Variants in OIT3 observed in about 807,000 individuals in gnomAD.
OIT3 encodes oncoprotein induced transcript 3.
In OIT3, 41 loss-of-function variants were observed where a neutral mutation model predicts 52.2. The ratio of observed to expected loss-of-function variants is 0.79; its 90% confidence interval spans 0.61 to 1.02. The LOEUF (loss-of-function observed/expected upper bound fraction) is 1.02. Among genes scored for constraint, OIT3 ranks in the 50% least tolerant of loss-of-function variants. The pLI is 0.00. For synonymous variants in OIT3, 244 were observed against 276.9 expected (o/e 0.88, Z 1.18); for missense variants, 634 against 715.5 (o/e 0.89, Z 1.30).
intron 6 of OIT3, chr10:72,913,714 C>T: frequency 1.6e-6 from 1 of 610,074 alleles, no homozygotes; most frequent in Non-Finnish European, 3.1e-6. Context: ...CATGCACAGA[C>T]ATTTTCCTGA....
At chr10:72,916,026 C>G (rs192550942) in intron 6 of OIT3, among the ~76,000 whole-genome samples, 3 of 152,032 alleles carry the variant, frequency 2.0e-5, no homozygotes, top group Admixed American at 6.6e-5. Flanking sequence ...CATTGAAGGG[C>G]GGGTAAATGA....
chr10:72,912,420 GC>G (rs1205688343), intron 5 of OIT3, among the ~76,000 whole-genome samples: 1 of 151,778 alleles, frequency 6.6e-6, no homozygotes, highest in Non-Finnish European at 1.5e-5. Flanking sequence ...ACAGGCGTGT[GC>G]CACCATGCCT....
At chr10:72,895,975 G>C (rs377544753) in intron 1 of OIT3, among the ~76,000 whole-genome samples, 1 of 152,294 alleles carries the variant, frequency 6.6e-6, no homozygotes. Context: ...CCTTAAAAGG[G>C]GGTAGAGTGG....
chr10:72,897,641 TCAAAC>T (rs1845885958), intron 1 of OIT3, among the ~76,000 whole-genome samples: 1 of 152,186 alleles, frequency 6.6e-6, no homozygotes, highest in Non-Finnish European at 1.5e-5. Context: ...CCTGATCAAG[TCAAAC>T]TTTCTAATAA....
At chr10:72,910,345 T>C (rs1846018922) in intron 4 of OIT3, among the ~76,000 whole-genome samples, 1 of 152,180 alleles carries the variant, frequency 6.6e-6, no homozygotes, top group Non-Finnish European at 1.5e-5. Context: ...GGTGTGCTTT[T>C]ATCCTTTAAA....
At chr10:72,899,561 A>C (rs1392131289) in intron 2 of OIT3, among the ~76,000 whole-genome samples, 6 of 149,678 alleles carry the variant, frequency 4.0e-5, no homozygotes, top group Admixed American at 1.4e-4. Flanking sequence ...GTGCCATTGC[A>C]CTCCAGCCTG....
chr10:72,896,002 G>A (rs1003382473), intron 1 of OIT3, among the ~76,000 whole-genome samples: 3 of 152,166 alleles, frequency 2.0e-5, no homozygotes, highest in Non-Finnish European at 4.4e-5. Flanking sequence ...TACGTTAAAT[G>A]TCAGAAAGTA....
In OIT3 at chr10:72,898,989, T is replaced by C. The variant is rs777823038; in HGVS notation, c.387T>C (p.Tyr129=). The change falls in exon 2 of 9, where the codon TAT becomes TAC. Residue 129 remains tyrosine (Y), a synonymous_variant. Coordinates refer to ENST00000334011, the MANE Select transcript of OIT3 (RefSeq NM_152635.3). ...TCAAGGCTTGCCCTGGAGGCTACTATGTGTATCGTCTGACCAAGCCCAGCG... is the reference window on the plus strand; with the variant it reads ...TCAAGGCTTGCCCTGGAGGCTACTACGTGTATCGTCTGACCAAGCCCAGCG... ...VEVKACPGGY[Y]VYRLTKPSVC... The C allele has an allele frequency of 6.2e-7, 1 of 1,614,120 alleles. No individual in the cohort carries two copies. The highest frequency in any genetic ancestry group is 2.2e-5 in the East Asian group (1 of 44,888).
At position 72,932,732 on chromosome 10, in the gene OIT3, A is replaced by C; in HGVS notation, c.*208A>C. 1 of 479,252 alleles carries C rather than the reference A, an allele frequency of 2.1e-6. No homozygotes were observed. Among genetic ancestry groups the C allele is most frequent in the Non-Finnish European group, 3.6e-6 (1 of 275,412 alleles). The allele number at this position is 479,252 out of a possible 1,614,324, so 29.7% of individuals were successfully genotyped here. On this transcript the variant is annotated 3_prime_UTR_variant, in exon 9 of 9. Coordinates refer to ENST00000334011, the MANE Select transcript of OIT3 (RefSeq NM_152635.3). Reference sequence around the variant, plus strand: ...AACAATGTGGCCTGGGTGGGGTTTCATCTTTCTAGGGTTGAAAACTAAACT... The same window carrying C: ...AACAATGTGGCCTGGGTGGGGTTTCCTCTTTCTAGGGTTGAAAACTAAACT...
At position 72,911,712 on chromosome 10, in the gene OIT3, T is replaced by C. The variant is rs374987545; in HGVS notation, c.668-5T>C. The C allele has an allele frequency of 3.4e-4, 545 of 1,612,638 alleles. 1 individual carries two copies. In the African/African-American group the frequency reaches 6.8e-3, roughly 20 times the overall value. On this transcript the variant is annotated splice_polypyrimidine_tract_variant and splice_region_variant and intron_variant, in intron 4 of 8. Coordinates refer to ENST00000334011, the MANE Select transcript of OIT3 (RefSeq NM_152635.3). Reference sequence around the variant, plus strand: ...TATTCCCTTTTCTGTTGGTTTCTACTGCAGACGTTGAAGGATGCCACAATA... The same window carrying C: ...TATTCCCTTTTCTGTTGGTTTCTACCGCAGACGTTGAAGGATGCCACAATA...
chr10:72,911,641 C>A (rs1233225528), intron 4 of OIT3, 76 bp from the exon 5 acceptor site: 4 of 1,513,166 alleles, frequency 2.6e-6, no homozygotes, highest in East Asian at 2.3e-5. Context: ...TAAGTATAAT[C>A]CCTGATGCAA....
chr10:72,899,612 GAAA>G (rs1332823848), intron 2 of OIT3, among the ~76,000 whole-genome samples: 2 of 141,596 alleles, frequency 1.4e-5, no homozygotes, highest in Non-Finnish European at 3.1e-5. Context: ...AAAAAAAAAA[GAAA>G]AAAAGAAAAT....
chr10:72,905,621 T>C (rs1350212363), intron 3 of OIT3, among the ~76,000 whole-genome samples: 2 of 152,194 alleles, frequency 1.3e-5, no homozygotes, highest in Non-Finnish European at 2.9e-5. Flanking sequence ...TTCCATCAAT[T>C]TCTCAGCTTC....
At chr10:72,907,210 C>G (rs1042629931) in intron 4 of OIT3, among the ~76,000 whole-genome samples, 13 of 151,896 alleles carry the variant, frequency 8.6e-5, no homozygotes, top group African/African-American at 2.9e-4. Flanking sequence ...GAGTTTGAGG[C>G]TGCATTAAGC....
At chr10:72,928,711 A>G (rs1846189644) in intron 7 of OIT3, among the ~76,000 whole-genome samples, 1 of 152,206 alleles carries the variant, frequency 6.6e-6, no homozygotes, top group Non-Finnish European at 1.5e-5. Flanking sequence ...TATAATCAGA[A>G]GAGGGTATAA....
At chr10:72,918,107 A>T (rs753433654) in intron 6 of OIT3, 123 of 1,369,262 alleles carry the variant, frequency 9.0e-5, no homozygotes, top group Non-Finnish European at 1.2e-4. Flanking sequence ...CTCCAGGGGC[A>T]GACTGCTTTC....
intron 7 of OIT3, among the ~76,000 whole-genome samples, chr10:72,927,420 G>A (rs531748127): frequency 3.3e-5 from 5 of 152,276 alleles, no homozygotes; most frequent in African/African-American, 7.2e-5. Flanking sequence ...GATTACAAAC[G>A]TGAGCCACCA....
chr10:72,907,772 A>T (rs981700466), intron 4 of OIT3, among the ~76,000 whole-genome samples: 5 of 152,274 alleles, frequency 3.3e-5, no homozygotes, highest in Admixed American at 1.3e-4. Flanking sequence ...TTACTTTTAG[A>T]TCTATTTTTA....
chr10:72,899,730 TAGATA>T (rs1845913376), intron 2 of OIT3, among the ~76,000 whole-genome samples: 3 of 150,368 alleles, frequency 2.0e-5, no homozygotes, highest in Admixed American at 2.0e-4. Flanking sequence ...GATAGATAGA[TAGATA>T]GATAGATAGA....
Sources: gnomAD v4.1 joint callset for allele counts (sites outside exome capture counted in the v4.1 genomes callset) on GRCh38, gnomAD v4.1.1 for gene constraint, MANE v1.5 for transcripts, NCBI Gene and HGNC (gene_info 2026-07-23, HGNC 2026-07-21) for gene names.